ENTREP2: variants seen among roughly 807,000 people sequenced by gnomAD.
ENTREP2 encodes endosomal transmembrane epsin interactor 2, also known as protein ENTREP2.
At chr15:29,489,454 G>A in the ENTREP2 span, among the ~76,000 whole-genome samples, 3 of 151,942 alleles carry the variant, frequency 2.0e-5, no homozygotes, top group Admixed American at 2.0e-4. Context: ...TCAACAGTCA[G>A]CAACAGGATA....
the ENTREP2 span, among the ~76,000 whole-genome samples, chr15:29,323,465 C>T: frequency 2.6e-5 from 4 of 152,290 alleles, no homozygotes; most frequent in East Asian, 3.9e-4. Flanking sequence ...TTACCCTATA[C>T]ATCTCCTCAT....
At chr15:29,548,434 A>G in the ENTREP2 span, among the ~76,000 whole-genome samples, 63,553 of 146,874 alleles carry the variant, frequency 0.43, 14,801 homozygotes, top group African/African-American at 0.61. Context: ...CAGCCTGGGC[A>G]AGAGAGCGAG....
At chr15:29,377,823 A>AAATAATAATAATAATAATAAT in the ENTREP2 span, among the ~76,000 whole-genome samples, 119 of 112,978 alleles carry the variant, frequency 1.1e-3, no homozygotes, top group South Asian at 2.4e-3. Context: ...TCTGTCTCAA[A>AAATAATAATAATAATAATAAT]AATAATAATA....
At chr15:29,151,703 G>A in the ENTREP2 span, 42 of 1,500,246 alleles carry the variant, frequency 2.8e-5, no homozygotes, top group Non-Finnish European at 3.3e-5. Context: ...GTTTCAAACC[G>A]CGCAGAGGAG....
At chr15:29,600,136 A>C in the ENTREP2 span, among the ~76,000 whole-genome samples, 2 of 152,090 alleles carry the variant, frequency 1.3e-5, no homozygotes, top group African/African-American at 4.8e-5. Flanking sequence ...GTTGAGCCAA[A>C]TTTTCTGTGC....
the ENTREP2 span, among the ~76,000 whole-genome samples, chr15:29,646,440 G>A: frequency 6.6e-6 from 1 of 152,150 alleles, no homozygotes; most frequent in South Asian, 2.1e-4. Flanking sequence ...GTCAGCTAGG[G>A]GTGAAGAGCC....
chr15:29,137,124 G>A, the ENTREP2 span: 1 of 1,475,966 alleles, frequency 6.8e-7, no homozygotes, highest in Non-Finnish European at 8.9e-7. Context: ...GAAATCCAGG[G>A]TCTGGTGGAG....
chr15:29,158,769 G>C, the ENTREP2 span, among the ~76,000 whole-genome samples: 33,501 of 151,920 alleles, frequency 0.22, 4,570 homozygotes, highest in Non-Finnish European at 0.31. Context: ...TTTGCTACTG[G>C]ATATTCTGAT....
chr15:29,620,826 A>T, the ENTREP2 span, among the ~76,000 whole-genome samples: 1 of 152,086 alleles, frequency 6.6e-6, no homozygotes, highest in African/African-American at 2.4e-5. Flanking sequence ...AGAGGTGGGG[A>T]AAAGGGCAGG....
At chr15:29,371,814 G>C in the ENTREP2 span, among the ~76,000 whole-genome samples, 2 of 151,876 alleles carry the variant, frequency 1.3e-5, no homozygotes, top group Non-Finnish European at 2.9e-5. Flanking sequence ...AAAAGAGAAA[G>C]AAAACATTAG....
the ENTREP2 span, chr15:29,570,695 G>A: frequency 7.8e-6 from 9 of 1,147,046 alleles, no homozygotes; most frequent in Non-Finnish European, 9.6e-6. Context: ...GGCGGGACGC[G>A]GCGCTCGGGG....
chr15:29,178,747 G>C, the ENTREP2 span, among the ~76,000 whole-genome samples: 2 of 152,080 alleles, frequency 1.3e-5, no homozygotes, highest in Non-Finnish European at 2.9e-5. Context: ...CCTGTTAGTT[G>C]CAAGAGTCTT....
chr15:29,221,154 C>T, the ENTREP2 span, among the ~76,000 whole-genome samples: 1 of 151,964 alleles, frequency 6.6e-6, no homozygotes, highest in Admixed American at 6.5e-5. Flanking sequence ...ACACAGCAAC[C>T]GTTCCTACAG....
chr15:29,657,522 C>A, the ENTREP2 span, among the ~76,000 whole-genome samples: 7 of 141,290 alleles, frequency 5.0e-5, no homozygotes, highest in African/African-American at 1.9e-4. Flanking sequence ...CCTTATTGTC[C>A]CCACCCATAT....
the ENTREP2 span, among the ~76,000 whole-genome samples, chr15:29,224,464 G>C: frequency 1.7e-4 from 26 of 152,250 alleles, no homozygotes; most frequent in African/African-American, 6.3e-4. Context: ...CCTGCTGATT[G>C]GTCCATTTTA....
the ENTREP2 span, among the ~76,000 whole-genome samples, chr15:29,657,176 C>G: frequency 6.6e-6 from 1 of 151,970 alleles, no homozygotes; most frequent in African/African-American, 2.4e-5. Context: ...TCCTCCTGAG[C>G]AGCTGGGACT....
At chr15:29,655,311 T>A in the ENTREP2 span, among the ~76,000 whole-genome samples, 1 of 152,170 alleles carries the variant, frequency 6.6e-6, no homozygotes, top group Non-Finnish European at 1.5e-5. Flanking sequence ...GAATTTTGAA[T>A]CTTGTGGTTC....
chr15:29,163,488 G>A, the ENTREP2 span, among the ~76,000 whole-genome samples: 67,212 of 151,364 alleles, frequency 0.44, 17,407 homozygotes, highest in East Asian at 0.68. Context: ...AAAAAATCCA[G>A]GAAAAATTGG....
chr15:29,258,212 C>CAAAAAA, the ENTREP2 span, among the ~76,000 whole-genome samples: 12 of 118,316 alleles, frequency 1.0e-4, no homozygotes, highest in African/African-American at 3.9e-4. Context: ...GGCTCAGTCT[C>CAAAAAA]AAAAAAAAAA....
Sources: gnomAD v4.1 joint callset for allele counts (sites outside exome capture counted in the v4.1 genomes callset) on GRCh38, gnomAD v4.1.1 for gene constraint, MANE v1.5 for transcripts, NCBI Gene and HGNC (gene_info 2026-07-23, HGNC 2026-07-21) for gene names.